Variants in NLN observed in about 807,000 individuals in gnomAD.
The protein encoded by NLN is neurolysin, mitochondrial.
A neutral mutation model predicts 79.9 loss-of-function variants in NLN; 64 were observed. That is an observed-to-expected ratio of 0.80 (90% CI 0.65 to 0.99). The LOEUF is 0.99. NLN is among the 50% of genes least tolerant of loss of function. The probability of loss-of-function intolerance (pLI) is 0.00; values close to 1 mark genes in which losing one functional copy is unlikely to be tolerated. For synonymous variants in NLN, 267 were observed against 296.6 expected, an observed-to-expected ratio of 0.90 and a Z score of 1.02; for missense variants, 835 against 858.7, an observed-to-expected ratio of 0.97 and a Z score of 0.34.
At chr5:65,726,386 G>A (rs2561205) in intron 1 of NLN, among the ~76,000 whole-genome samples, 34,696 of 152,136 alleles carry the variant, frequency 0.23, 4,055 homozygotes, top group Non-Finnish European at 0.24. Context: ...GAAAAATATA[G>A]CTACTAGTAT....
At chr5:65,726,616 G>A (rs1449424031) in intron 1 of NLN, among the ~76,000 whole-genome samples, 1 of 152,086 alleles carries the variant, frequency 6.6e-6, no homozygotes, top group South Asian at 2.1e-4. Context: ...GAGAGCTGCC[G>A]ATATGTGGTA....
At chr5:65,738,190 C>T (rs926006630) in intron 1 of NLN, among the ~76,000 whole-genome samples, 1 of 149,862 alleles carries the variant, frequency 6.7e-6, no homozygotes, top group African/African-American at 2.5e-5. Flanking sequence ...AAGGCACATA[C>T]TAATAAATAA....
At chr5:65,794,422 T>C (rs1041047124) in intron 9 of NLN, among the ~76,000 whole-genome samples, 1 of 151,914 alleles carries the variant, frequency 6.6e-6, no homozygotes, top group Admixed American at 6.6e-5. Context: ...ACCAGCAACA[T>C]TGTGAAACCC....
At chr5:65,731,737 A>G (rs1230727139) in intron 1 of NLN, among the ~76,000 whole-genome samples, 1 of 55,578 alleles carries the variant, frequency 1.8e-5, no homozygotes, top group African/African-American at 6.8e-5. Flanking sequence ...AATCACCTAC[A>G]TTTTCTTTTT....
intron 12 of NLN, among the ~76,000 whole-genome samples, chr5:65,820,907 G>A (rs1340554994): frequency 6.6e-6 from 1 of 151,204 alleles, no homozygotes; most frequent in Non-Finnish European, 1.5e-5. Context: ...GCCAGGTGTG[G>A]TGGTGTGCTC....
chr5:65,816,051 C>T (rs80222023), intron 12 of NLN, among the ~76,000 whole-genome samples: 13,271 of 151,934 alleles, frequency 0.087, 867 homozygotes, highest in Admixed American at 0.2. Flanking sequence ...GAAGAACTCC[C>T]CCCACAAAAA....
At chr5:65,789,092 T>G (rs1272911411) in intron 8 of NLN, among the ~76,000 whole-genome samples, 1 of 152,152 alleles carries the variant, frequency 6.6e-6, no homozygotes, top group East Asian at 1.9e-4. Flanking sequence ...ATTATCACAC[T>G]GCTGCATTCT....
chr5:65,785,043 A>G (rs1356889238), intron 6 of NLN, among the ~76,000 whole-genome samples: 2 of 152,194 alleles, frequency 1.3e-5, no homozygotes, highest in Non-Finnish European at 2.9e-5. Context: ...CATTGTATAT[A>G]TATACCACAT....
At chr5:65,781,208 A>G (rs1297192032) in intron 5 of NLN, 53 bp from the exon 6 acceptor site, 1 of 1,247,160 alleles carries the variant, frequency 8.0e-7, no homozygotes, top group Non-Finnish European at 1.2e-6. Flanking sequence ...CCAATACTAA[A>G]TAAACCAGCA....
rs558656791 is a variant in NLN at position 65,724,804 on chromosome 5, C to CT, written c.41+2405dup. Among the ~76,000 whole-genome samples, 849 of 126,350 alleles carry CT rather than the reference C, an allele frequency of 6.7e-3. 14 individuals are homozygous for CT. The South Asian group carries it at 0.069, about 10-fold the overall frequency. 82.9% of individuals were successfully genotyped at this position (126,350 alleles called of 152,430 possible). A position where few individuals can be genotyped will look rare whatever the true frequency, so the allele number is the denominator to read the frequency against. On this transcript the variant is annotated intron_variant, in intron 1 of 12. Transcript: ENST00000380985. ...GAGTGGCATTGTTTCTTTTTTTTTT[C>CT]TTTTTTTTTTTTTTTGAGACAGAGT...
chr5:65,752,744 C>A (rs1239871914), intron 1 of NLN, among the ~76,000 whole-genome samples: 2 of 152,152 alleles, frequency 1.3e-5, no homozygotes, highest in African/African-American at 4.8e-5. Flanking sequence ...AGAGATAATG[C>A]AGAAAGAAAG....
intron 1 of NLN, among the ~76,000 whole-genome samples, chr5:65,752,181 G>GA (rs991699659): frequency 1.9e-4 from 29 of 152,048 alleles, no homozygotes; most frequent in African/African-American, 6.3e-4. Context: ...AGGCTACAGT[G>GA]AGCCATGATC....
chr5:65,787,902 A>G (rs545916546), intron 7 of NLN, among the ~76,000 whole-genome samples: 1 of 152,326 alleles, frequency 6.6e-6, no homozygotes, highest in East Asian at 1.9e-4. Context: ...AGGGGCTAGG[A>G]CCATAAAATC....
chr5:65,779,081 G>A (rs561257667), intron 4 of NLN, among the ~76,000 whole-genome samples: 1 of 152,272 alleles, frequency 6.6e-6, no homozygotes, highest in South Asian at 2.1e-4. Context: ...GGGGGTTGAG[G>A]GAGAGTATCG....
intron 1 of NLN, among the ~76,000 whole-genome samples, chr5:65,756,664 CGTT>C (rs1486563741): frequency 1.3e-5 from 2 of 151,896 alleles, no homozygotes; most frequent in Admixed American, 6.6e-5. Context: ...TTGTTGTTGT[CGTT>C]GTTGTTTTAA....
At chr5:65,723,375 A>G (rs1758366026) in intron 1 of NLN, among the ~76,000 whole-genome samples, 1 of 152,136 alleles carries the variant, frequency 6.6e-6, no homozygotes. Flanking sequence ...ACAAAGAGTT[A>G]ATGTGGTGAT....
At chr5:65,734,349 A>G (rs985039701) in intron 1 of NLN, among the ~76,000 whole-genome samples, 1 of 137,508 alleles carries the variant, frequency 7.3e-6, no homozygotes, top group Admixed American at 7.1e-5. Flanking sequence ...GCACGTGCTG[A>G]CTGTGAGTGG....
At position 65,768,266 on chromosome 5, in the gene NLN, C is replaced by A. The variant is rs375824509; in HGVS notation, c.450+5158C>A. Among the ~76,000 whole-genome samples the A allele has an allele frequency of 1.1e-3, 164 of 152,312 alleles. 3 individuals are homozygous for A. The South Asian group carries it at 0.034, about 31-fold the overall frequency. On this transcript the variant is annotated intron_variant, in intron 3 of 12. Coordinates refer to ENST00000380985, the MANE Select transcript of NLN (RefSeq NM_020726.5). ...TAAAGAAAGAGGTTTAATTGACTCA[C>A]AATTCCTCTGGGTGGGAGGCCTTAG...
At chr5:65,779,945 C>A in intron 4 of NLN, 1 of 330,286 alleles carries the variant, frequency 3.0e-6, no homozygotes, top group South Asian at 8.2e-5. Flanking sequence ...CCTGCCTCAG[C>A]CTCCTGAGTA....
Sources: gnomAD v4.1 joint callset for allele counts (sites outside exome capture counted in the v4.1 genomes callset) on GRCh38, gnomAD v4.1.1 for gene constraint, MANE v1.5 for transcripts, NCBI Gene and HGNC (gene_info 2026-07-23, HGNC 2026-07-21) for gene names.